The following NFIC variants were observed in gnomAD, a reference collection of about 807,000 sequenced individuals.
The protein encoded by NFIC is nuclear factor I C, also known as nuclear factor 1 C-type.
Under a neutral mutation model 54.4 loss-of-function variants are expected in NFIC, and 12 were observed. That is an observed-to-expected ratio of 0.22 (90% CI 0.14 to 0.36). The LOEUF (loss-of-function observed/expected upper bound fraction) is 0.36. Ranked by LOEUF, NFIC falls within the 10% of genes least tolerant of loss-of-function variation. The pLI is 1.00. For missense variants in NFIC, 575 were observed against 718.2 expected (o/e 0.80, Z 2.28); for synonymous variants, 322 against 319.2 (o/e 1.01, Z -0.09).
intron 2 of NFIC, among the ~76,000 whole-genome samples, chr19:3,402,131 C>T (rs1435875435): frequency 2.0e-5 from 3 of 151,920 alleles, no homozygotes; most frequent in Admixed American, 1.3e-4. Context: ...CTGCAACCTC[C>T]GCCTCCAGGG....
At chr19:3,393,816 C>CAAAAAA in intron 2 of NFIC, among the ~76,000 whole-genome samples, 1 of 55,734 alleles carries the variant, frequency 1.8e-5, no homozygotes, top group Non-Finnish European at 3.5e-5. Context: ...GACTCTGTCT[C>CAAAAAA]AAAAAAAAAA....
rs1018947677 is a variant in NFIC, at chr19:3,468,574, G to C, written c.*5805G>C. ...GACAGGATGGGGCAGGGCATACAGT[G>C]GGGGGTGGGGGGGCAGCTGGGAGGA... is the stretch of plus-strand genomic sequence containing the variant. On this transcript the variant is annotated 3_prime_UTR_variant, in exon 11 of 11. Coordinates refer to ENST00000443272, the MANE Select transcript of NFIC (RefSeq NM_001245002.2). 6.6e-6 allele frequency: 1 copy of C among 152,102 alleles called. No individual in the cohort carries two copies. The highest frequency in any genetic ancestry group is 1.9e-4 in the East Asian group (1 of 5,192). 9.4% of individuals were successfully genotyped at this position (152,102 alleles called of 1,614,324 possible).
chr19:3,409,894 A>G (rs1367924523), intron 2 of NFIC, among the ~76,000 whole-genome samples: 1 of 152,232 alleles, frequency 6.6e-6, no homozygotes, highest in Non-Finnish European at 1.5e-5. Flanking sequence ...GCTCCCGGCC[A>G]GATGAGGGTA....
Position 3,462,832 on chromosome 19 carries a change from G to T in NFIC, c.*63G>T. The T allele has an allele frequency of 6.2e-7, 1 of 1,610,912 alleles. No individual in the cohort carries two copies. Among genetic ancestry groups the T allele is most frequent in the Non-Finnish European group, 8.5e-7 (1 of 1,179,164 alleles). The stretch of plus-strand genomic sequence containing the variant: ...AGGAATCCCAGGGGGCAGCACAGCC[G>T]GCCCCCGGCCCACGTTTTCGGTGGA... On this transcript the variant is annotated 3_prime_UTR_variant, in exon 11 of 11. Transcript: ENST00000443272.
At chr19:3,428,749 T>G (rs1413756074) in intron 3 of NFIC, among the ~76,000 whole-genome samples, 1 of 151,780 alleles carries the variant, frequency 6.6e-6, no homozygotes, top group Admixed American at 6.6e-5. Context: ...AATCACGTCC[T>G]CCCAGCTCGC....
At chr19:3,402,604 C>G (rs1415723313) in intron 2 of NFIC, among the ~76,000 whole-genome samples, 1 of 152,154 alleles carries the variant, frequency 6.6e-6, no homozygotes, top group Non-Finnish European at 1.5e-5. Context: ...AGCAACTAAG[C>G]AAATCCATAG....
rs147591264 is a variant in NFIC at position 3,455,387 on chromosome 19, G to A, written c.1424-1163G>A. On this transcript the variant is annotated intron_variant, in intron 9 of 10. Transcript: ENST00000443272. ...ACTGTGTAGGATCCACTCAGGGCTC[G>A]GTGGGATTATGCCCAGTGCCTGGCA... 3.3e-3 allele frequency among the ~76,000 whole-genome samples: 459 copies of A among 139,506 alleles called. 5 individuals are homozygous for A. The East Asian group carries it at 0.037, about 11-fold the overall frequency. 91.5% of individuals were successfully genotyped at this position (139,506 alleles called of 152,430 possible). A position where few individuals can be genotyped will look rare whatever the true frequency, so the allele number is the denominator to read the frequency against.
intron 7 of NFIC, among the ~76,000 whole-genome samples, chr19:3,449,860 G>T (rs543474289): frequency 4.7e-4 from 71 of 151,440 alleles, no homozygotes; most frequent in African/African-American, 1.7e-3. Context: ...TTCAAGACCA[G>T]CCTGGCCAAC....
chr19:3,404,192 G>A (rs1568425197), intron 2 of NFIC, among the ~76,000 whole-genome samples: 1 of 145,346 alleles, frequency 6.9e-6, no homozygotes. Context: ...TTGGGGGTGG[G>A]GGTGTGGGGA....
upstream of NFIC, among the ~76,000 whole-genome samples, chr19:3,366,000 C>T (rs1311329179): frequency 1.4e-5 from 2 of 146,582 alleles, no homozygotes; most frequent in Admixed American, 6.7e-5. Flanking sequence ...AAGAGGCGCG[C>T]TGGCCGGCCT....
At position 3,463,078 on chromosome 19, in the gene NFIC, C is replaced by G. The variant is rs1050460800; in HGVS notation, c.*309C>G. 1.5e-6 allele frequency: 2 copies of G among 1,306,908 alleles called. No individual in the cohort carries two copies. The highest frequency in any genetic ancestry group is 1.9e-6 in the Non-Finnish European group (2 of 1,028,834). The allele number at this position is 1,306,908 out of a possible 1,614,324, so 81.0% of individuals were successfully genotyped here. A position where few individuals can be genotyped will look rare whatever the true frequency, so the allele number is the denominator to read the frequency against. On this transcript the variant is annotated 3_prime_UTR_variant, in exon 11 of 11. Coordinates refer to ENST00000443272, the MANE Select transcript of NFIC (RefSeq NM_001245002.2). ...ACTGGAGGGCCAGGCCCCGCCACCC[C>G]CACGGGAGACCCGGGACAGGGCGTC...
At chr19:3,387,566 A>C (rs866797302) in intron 2 of NFIC, among the ~76,000 whole-genome samples, 6 of 151,480 alleles carry the variant, frequency 4.0e-5, no homozygotes, top group African/African-American at 1.2e-4. Context: ...AGGGAGGGAC[A>C]TGGAGGGGGG....
chr19:3,457,652 T>C (rs568651759), intron 10 of NFIC, among the ~76,000 whole-genome samples: 2 of 152,258 alleles, frequency 1.3e-5, no homozygotes, highest in South Asian at 4.1e-4. Context: ...GCCACGGAAC[T>C]GCAGAGCGTG....
intron 6 of NFIC, among the ~76,000 whole-genome samples, chr19:3,439,826 C>T (rs1434488629): frequency 6.6e-6 from 1 of 150,900 alleles, no homozygotes; most frequent in Non-Finnish European, 1.5e-5. Flanking sequence ...ATAGCTGGGA[C>T]TACAGGCACC....
At chr19:3,394,714 T>C (rs929889737) in intron 2 of NFIC, among the ~76,000 whole-genome samples, 2 of 150,632 alleles carry the variant, frequency 1.3e-5, no homozygotes, top group African/African-American at 4.9e-5. Flanking sequence ...TCAGCAGGAG[T>C]TGAGCTTAGG....
In NFIC at chr19:3,458,478, A is replaced by G. The variant is rs1473226720; in HGVS notation, c.1509+1843A>G. 6.6e-6 allele frequency among the ~76,000 whole-genome samples: 1 copy of G among 151,948 alleles called. No homozygotes were observed. The highest frequency in any genetic ancestry group is 1.5e-5 in the Non-Finnish European group (1 of 67,964). On this transcript the variant is annotated intron_variant, in intron 10 of 10. Coordinates refer to ENST00000443272, the MANE Select transcript of NFIC (RefSeq NM_001245002.2). This position sits in a 1 kb window ranked among gnomAD's most constrained non-coding sequence, Gnocchi z 4.1. ...CCAGGGCCCGGGACCCTTCTCTCAG[A>G]CTGTGCTGGCTCCAGCCCCACCCCA...
At position 3,468,288 on chromosome 19, in the gene NFIC, AGTC is replaced by A. The variant is rs2082743549; in HGVS notation, c.*5520_*5522del. 1 of 149,686 alleles carries A rather than the reference AGTC, an allele frequency of 6.7e-6. No homozygotes were observed. The highest frequency in any genetic ancestry group is 1.5e-5 in the Non-Finnish European group (1 of 67,550). 9.3% of individuals were successfully genotyped at this position (149,686 alleles called of 1,614,324 possible). A position where few individuals can be genotyped will look rare whatever the true frequency, so the allele number is the denominator to read the frequency against. On this transcript the variant is annotated 3_prime_UTR_variant, in exon 11 of 11. Coordinates refer to ENST00000443272, the MANE Select transcript of NFIC (RefSeq NM_001245002.2). ...ATAGGAATATGGGCCCCGGAGGGGA[AGTC>A]ATGCACCCCCAAGCCACCACCCCCC...
intron 3 of NFIC, among the ~76,000 whole-genome samples, chr19:3,427,689 T>C (rs1191193479): frequency 6.6e-6 from 1 of 150,534 alleles, no homozygotes; most frequent in African/African-American, 2.4e-5. Context: ...TAGTCGGGCA[T>C]GTTGGCACAC....
At chr19:3,360,283 G>A (rs895430431) in intron 1 of NFIC, among the ~76,000 whole-genome samples, 1 of 146,012 alleles carries the variant, frequency 6.8e-6, no homozygotes, top group African/African-American at 2.5e-5. Context: ...TCGGCGCCGC[G>A]CAGGAGCAGC....
Sources: gnomAD v4.1 joint callset for allele counts (sites outside exome capture counted in the v4.1 genomes callset) on GRCh38, gnomAD v4.1.1 for gene constraint, Gnocchi (gnomAD v3.1) non-coding constraint, MANE v1.5 for transcripts, NCBI Gene and HGNC (gene_info 2026-07-23, HGNC 2026-07-21) for gene names.